The following TIMP2 variants were observed in gnomAD, a reference collection of about 807,000 sequenced individuals.
TIMP2 encodes the protein TIMP metallopeptidase inhibitor 2.
TIMP2 carries 5 observed loss-of-function variants against 24.3 expected under a neutral mutation model. That is an observed-to-expected ratio of 0.21 (90% confidence interval 0.11 to 0.43). The LOEUF is 0.43. Ranked by LOEUF, TIMP2 falls within the 20% of genes least tolerant of loss-of-function variation. The pLI is 1.00. For missense variants in TIMP2, 221 were observed against 297.5 expected, an observed-to-expected ratio of 0.74 and a Z score of 1.89; for synonymous variants, 130 against 123.2, an observed-to-expected ratio of 1.06 and a Z score of -0.37.
rs1172147197 is a variant in TIMP2 at position 78,920,480 on chromosome 17, G to A, written c.130+4479C>T. Reference sequence around the variant, plus strand: ...CCAGCACCTGCCATACCTCCAGGCTGTGCACAGCTCTCCCTGCTCTTCCAG... The same window carrying A: ...CCAGCACCTGCCATACCTCCAGGCTATGCACAGCTCTCCCTGCTCTTCCAG... On this transcript the variant is annotated intron_variant, in intron 1 of 4. Coordinates refer to ENST00000262768, the MANE Select transcript of TIMP2 (RefSeq NM_003255.5). The surrounding 1 kb of genome is among the most constrained non-coding windows in gnomAD (Gnocchi z 4.5). Among the ~76,000 whole-genome samples the A allele has an allele frequency of 1.3e-5, 2 of 152,118 alleles. No homozygotes were observed. Among genetic ancestry groups the A allele is most frequent in the Non-Finnish European group, 1.5e-5 (1 of 68,006 alleles).
chr17:78,912,032 C>A (rs1372312221), intron 1 of TIMP2, among the ~76,000 whole-genome samples: 1 of 151,850 alleles, frequency 6.6e-6, no homozygotes, highest in Non-Finnish European at 1.5e-5. Context: ...CCACTGCACT[C>A]CAGCCTGGAC....
chr17:78,913,815 C>G (rs776610531), intron 1 of TIMP2, among the ~76,000 whole-genome samples: 1 of 149,298 alleles, frequency 6.7e-6, no homozygotes, highest in Non-Finnish European at 1.5e-5. Flanking sequence ...TTGCTTAAAC[C>G]CAGGAGGCGG....
chr17:78,861,645 G>A lies in TIMP2; in HGVS notation c.341-3999C>T, dbSNP rs147341962. 9.3e-4 allele frequency among the ~76,000 whole-genome samples: 140 copies of A among 149,932 alleles called. 1 individual carries two copies. The highest frequency in any genetic ancestry group is 3.3e-3 in the African/African-American group (136 of 40,720). On this transcript the variant is annotated intron_variant, in intron 3 of 4. Coordinates refer to ENST00000262768, the MANE Select transcript of TIMP2 (RefSeq NM_003255.5). The stretch of plus-strand genomic sequence containing the variant: ...GGAGACGGAGTCTTGCTCTGTCACC[G>A]AGGCTGGAGTGCAGCGGTGCCATCT...
At chr17:78,862,221 G>A (rs968718324) in intron 3 of TIMP2, among the ~76,000 whole-genome samples, 8 of 152,184 alleles carry the variant, frequency 5.3e-5, no homozygotes, top group African/African-American at 1.2e-4. Context: ...CAGGCCATGC[G>A]GTCACTCACT....
At chr17:78,878,681 G>C (rs1030000305) in intron 1 of TIMP2, among the ~76,000 whole-genome samples, 3 of 152,014 alleles carry the variant, frequency 2.0e-5, no homozygotes, top group Non-Finnish European at 4.4e-5. Context: ...GTTAGGACTA[G>C]AAAGTGAACT....
chr17:78,868,092 C>T (rs1257193207), intron 3 of TIMP2, among the ~76,000 whole-genome samples: 1 of 152,126 alleles, frequency 6.6e-6, no homozygotes, highest in East Asian at 1.9e-4. Flanking sequence ...ACTAAGCACA[C>T]ATTGATTTTT....
rs2070332576 is a variant in TIMP2 at position 78,924,345 on chromosome 17, C to G, written c.130+614G>C. The stretch of plus-strand genomic sequence containing the variant: ...CCTGCCCAGCCAGTTTGCAGGGCCT[C>G]CTGGGCAGGGCGCAAGCAAGGAGCC... On this transcript the variant is annotated intron_variant, in intron 1 of 4. Transcript: ENST00000262768. The surrounding 1 kb of genome is among the most constrained non-coding windows in gnomAD (Gnocchi z 5.3). Among the ~76,000 whole-genome samples, 1 of 152,198 alleles carries G rather than the reference C, an allele frequency of 6.6e-6. No homozygotes were observed. Among genetic ancestry groups the G allele is most frequent in the Admixed American group, 6.5e-5 (1 of 15,284 alleles).
At chr17:78,875,685 C>G (rs2069721797) in intron 1 of TIMP2, among the ~76,000 whole-genome samples, 1 of 152,134 alleles carries the variant, frequency 6.6e-6, no homozygotes, top group Admixed American at 6.5e-5. Flanking sequence ...AGGTAAGGAG[C>G]AGACCACGCC....
chr17:78,866,940 T>C (rs1156413405), intron 3 of TIMP2, among the ~76,000 whole-genome samples: 3 of 152,112 alleles, frequency 2.0e-5, no homozygotes, highest in Non-Finnish European at 2.9e-5. Context: ...GTAGTGATGG[T>C]TGCAGAACTC....
chr17:78,885,561 C>T (rs935216416), intron 1 of TIMP2, among the ~76,000 whole-genome samples: 2 of 152,182 alleles, frequency 1.3e-5, no homozygotes, highest in Non-Finnish European at 2.9e-5. Flanking sequence ...CAACATAGCC[C>T]TATGAGGTGC....
intron 3 of TIMP2, among the ~76,000 whole-genome samples, chr17:78,860,262 G>A (rs2069557261): frequency 6.6e-6 from 1 of 152,204 alleles, no homozygotes; most frequent in African/African-American, 2.4e-5. Flanking sequence ...AGGTGTCAGT[G>A]ATGAGCACCC....
intron 1 of TIMP2, chr17:78,897,593 A>G (rs2070022935): frequency 6.6e-6 from 1 of 152,158 alleles, no homozygotes; most frequent in Admixed American, 6.5e-5. Context: ...ACACTTAGAC[A>G]CCCAAAAATC....
chr17:78,921,731 G>C (rs1171278525), intron 1 of TIMP2, among the ~76,000 whole-genome samples: 1 of 152,194 alleles, frequency 6.6e-6, no homozygotes, highest in Admixed American at 6.5e-5. Flanking sequence ...ACAAGGACCT[G>C]GGGCCTTCCA....
At chr17:78,877,233 C>T (rs2069735234) in intron 1 of TIMP2, among the ~76,000 whole-genome samples, 1 of 152,202 alleles carries the variant, frequency 6.6e-6, no homozygotes, top group African/African-American at 2.4e-5. Context: ...AGTCAATGTG[C>T]CAGATTAACT....
At position 78,855,898 on chromosome 17, in the gene TIMP2, G is replaced by A. The variant is rs903337364; in HGVS notation, c.466-34C>T. ...GGGCACACGGAGGGGGACGGAGTCA[G>A]GGACCCAGGAAGGGGTGGGCAGAGG... On this transcript the variant is annotated intron_variant, in intron 4 of 4. Coordinates refer to ENST00000262768, the MANE Select transcript of TIMP2 (RefSeq NM_003255.5). This position sits in a 1 kb window ranked among gnomAD's most constrained non-coding sequence, Gnocchi z 6.0. The A allele has an allele frequency of 7.4e-6, 12 of 1,611,272 alleles. No homozygotes were observed. The Admixed American group carries it at 1.5e-4, about 20-fold the overall frequency.
intron 1 of TIMP2, among the ~76,000 whole-genome samples, chr17:78,918,346 CG>C: frequency 1.3e-5 from 2 of 152,280 alleles, no homozygotes; most frequent in Middle Eastern, 6.8e-3. Context: ...ATCATCGGGG[CG>C]GGGTCTCTGT....
At chr17:78,869,625 A>G (rs145187684) in intron 3 of TIMP2, among the ~76,000 whole-genome samples, 3,117 of 152,196 alleles carry the variant, frequency 0.02, 61 homozygotes, top group Non-Finnish European at 0.036. Context: ...AGCCTGGTCA[A>G]CGTGGTGAAA....
At chr17:78,923,131 G>C (rs1441753422) in intron 1 of TIMP2, among the ~76,000 whole-genome samples, 1 of 152,068 alleles carries the variant, frequency 6.6e-6, no homozygotes, top group Admixed American at 6.6e-5. Flanking sequence ...AGCCGGGATG[G>C]GGTGAAAAGT....
intron 1 of TIMP2, among the ~76,000 whole-genome samples, chr17:78,902,093 G>A (rs1235429409): frequency 1.3e-5 from 2 of 152,208 alleles, no homozygotes; most frequent in Admixed American, 6.5e-5. Context: ...CCCAGTGGTG[G>A]CGGGGGGACG....
Sources: allele counts gnomAD v4.1 joint callset (sites outside exome capture counted in the v4.1 genomes callset), GRCh38; gene constraint gnomAD v4.1.1; non-coding constraint Gnocchi (gnomAD v3.1); transcripts MANE v1.5; gene names NCBI Gene and HGNC (gene_info 2026-07-23, HGNC 2026-07-21).